The following RBMX2 variants were observed in gnomAD, a reference collection of about 807,000 sequenced individuals.
RBMX2 encodes the protein RNA-binding motif protein, X-linked 2.
For missense variants in RBMX2, 191 were observed against 256.0 expected (o/e 0.75, Z 1.73); for synonymous variants, 77 against 94.3 (o/e 0.82, Z 1.07).
Position 130,402,005 on chromosome X carries a change from C to A in RBMX2, c.-28C>A. 2 of 1,190,820 alleles carry A rather than the reference C, an allele frequency of 1.7e-6. No homozygotes were observed. The highest frequency in any genetic ancestry group is 3.5e-5 in the African/African-American group (2 of 57,773). On this transcript the variant is annotated 5_prime_UTR_variant, in exon 1 of 6. Coordinates refer to ENST00000305536, the MANE Select transcript of RBMX2 (RefSeq NM_016024.4). ...GCGCTGCCTTTCCCGGGCGCTGATT[C>A]CTGAGTGCTGAGCGCGAACCCGAGG...
chrX:130,402,227 C>CCAACCCA, intron 1 of RBMX2, 28 bp from the exon 2 acceptor site: 1 of 1,023,971 alleles, frequency 9.8e-7, no homozygotes, highest in Non-Finnish European at 1.4e-6. Context: ...TTCTGCCTAC[C>CCAACCCA]CTCCCCACCC....
rs1448746181 is a variant in RBMX2, at chrX:130,406,003, C to T, written c.173+2150C>T. Among the ~76,000 whole-genome samples the T allele has an allele frequency of 4.2e-4, 33 of 79,409 alleles. 2 individuals carry two copies. The highest frequency in any genetic ancestry group is 3.9e-3 in the Admixed American group (31 of 7,933). 69.0% of individuals were successfully genotyped at this position (79,409 alleles called of 115,157 possible). ...CCAAGTAGCTGGGACTACAGGCGCC[C>T]GCCACTACGCCCGGCTAATTTTTTT... On this transcript the variant is annotated intron_variant, in intron 3 of 5. Transcript: ENST00000305536.
intron 3 of RBMX2, among the ~76,000 whole-genome samples, chrX:130,406,617 G>GAGCT (rs1169476527): frequency 2.9e-5 from 3 of 104,993 alleles, no homozygotes; most frequent in Non-Finnish European, 5.8e-5. Flanking sequence ...AGGTTGCAGT[G>GAGCT]AGCTGAGATA....
In RBMX2 at chrX:130,403,719, C is replaced by T. The variant is rs1446622186; in HGVS notation, c.122-83C>T. 7.8e-6 allele frequency: 7 copies of T among 900,587 alleles called. No individual in the cohort carries two copies. The African/African-American group carries it at 7.8e-5, about 10-fold the overall frequency. 74.2% of individuals were successfully genotyped at this position (900,587 alleles called of 1,213,427 possible). A position where few individuals can be genotyped will look rare whatever the true frequency, so the allele number is the denominator to read the frequency against. ...CAGGGCCTGTTGCTTACTGTTTCCA[C>T]CCCTAGTGCCTGGCCTAGTGCGTGG... On this transcript the variant is annotated intron_variant, in intron 2 of 5. Coordinates refer to ENST00000305536, the MANE Select transcript of RBMX2 (RefSeq NM_016024.4).
intron 1 of RBMX2, 27 bp from the exon 2 acceptor site, chrX:130,402,228 C>CCCA: frequency 1.9e-6 from 2 of 1,029,129 alleles, no homozygotes; most frequent in Non-Finnish European, 2.7e-6. Context: ...TCTGCCTACC[C>CCCA]TCCCCACCCC....
chrX:130,402,847 C>A (rs1032996892), intron 2 of RBMX2, among the ~76,000 whole-genome samples: 1 of 112,049 alleles, frequency 8.9e-6, no homozygotes, highest in Non-Finnish European at 1.9e-5. Context: ...AGTCCATGGC[C>A]ACGTTACCAT....
rs2034526254 is a variant in RBMX2, at chrX:130,413,589, A to AGGTTT, written c.*741_*742insGGTTT. On this transcript the variant is annotated 3_prime_UTR_variant, in exon 6 of 6. Transcript: ENST00000305536. ...TCCTCCCTCCTCCCTGTCCCTAGCA[A>AGGTTT]CCACCAGTGGACTTCCTGTTTATGG... Among the ~76,000 whole-genome samples the AGGTTT allele has an allele frequency of 9.1e-6, 1 of 109,534 alleles. No homozygotes were observed. Among genetic ancestry groups the AGGTTT allele is most frequent in the Non-Finnish European group, 1.9e-5 (1 of 52,707 alleles).
intron 3 of RBMX2, among the ~76,000 whole-genome samples, chrX:130,406,871 A>G (rs1288714548): frequency 4.5e-5 from 5 of 110,879 alleles, no homozygotes; most frequent in African/African-American, 1.6e-4. Context: ...TGTGTGTGAA[A>G]CAAAGTTTGT....
chrX:130,409,899 A>G (rs1274965201), intron 4 of RBMX2, among the ~76,000 whole-genome samples: 1 of 111,348 alleles, frequency 9.0e-6, no homozygotes, highest in African/African-American at 3.3e-5. Flanking sequence ...TCATCCTGAA[A>G]TTTTCTCCCC....
rs369250459 is a variant in RBMX2, at chrX:130,403,740, C to T, written c.122-62C>T. 26 of 1,044,616 alleles carry T rather than the reference C, an allele frequency of 2.5e-5. No individual in the cohort carries two copies. In the South Asian group the frequency reaches 3.0e-4, roughly 12 times the overall value. 86.1% of individuals were successfully genotyped at this position (1,044,616 alleles called of 1,213,427 possible). A position where few individuals can be genotyped will look rare whatever the true frequency, so the allele number is the denominator to read the frequency against. On this transcript the variant is annotated intron_variant, in intron 2 of 5. Coordinates refer to ENST00000305536, the MANE Select transcript of RBMX2 (RefSeq NM_016024.4). ...TCCACCCCTAGTGCCTGGCCTAGTG[C>T]GTGGTATGTAGTAAACACTTGGTAA...
At chrX:130,406,730 A>G (rs765616861) in intron 3 of RBMX2, among the ~76,000 whole-genome samples, 2 of 110,553 alleles carry the variant, frequency 1.8e-5, no homozygotes, top group African/African-American at 3.3e-5. Flanking sequence ...AGTGTTTCCA[A>G]TTTGTATAAA....
At position 130,412,709 on chromosome X, in the gene RBMX2, C is replaced by G; in HGVS notation, c.830C>G (p.Ser277Cys). 8.3e-7 allele frequency: 1 copy of G among 1,210,778 alleles called. No homozygotes were observed. Among genetic ancestry groups the G allele is most frequent in the Non-Finnish European group, 1.1e-6 (1 of 895,272 alleles). The change falls in exon 6 of 6, where the codon TCT (serine) becomes TGT (cysteine). Residue 277 changes from serine to cysteine, a missense_variant. Transcript: ENST00000305536. ...AGAGGGCGGAGCTCAGATGCACATT[C>G]TAGCTGGTATAATGGGCGTTCTGAA... ...RDRGRSSDAH[S>C]SWYNGRSEGR...
chrX:130,402,094 C>T (rs112718120), intron 1 of RBMX2, 57 bp downstream of exon 1: 2 of 1,183,082 alleles, frequency 1.7e-6, no homozygotes, highest in Non-Finnish European at 2.3e-6. Flanking sequence ...GGTGGTCCAC[C>T]GGGACTGGTG....
chrX:130,402,234 A>ACCCCCC (rs368717541), intron 1 of RBMX2, 21 bp from the exon 2 acceptor site: 243 of 589,140 alleles, frequency 4.1e-4, no homozygotes, highest in African/African-American at 5.1e-4. Context: ...TACCCTCCCC[A>ACCCCCC]CCCCCCCCGC....
chrX:130,412,850 G>C lies in RBMX2; in HGVS notation c.*2G>C. On this transcript the variant is annotated 3_prime_UTR_variant, in exon 6 of 6. Coordinates refer to ENST00000305536, the MANE Select transcript of RBMX2 (RefSeq NM_016024.4). ...CCCAGTGACCGTTGGCGTCACTGAAGACTTCAGCTGCACAGTAGATTTGGA... is the reference window on the plus strand; with the variant it reads ...CCCAGTGACCGTTGGCGTCACTGAACACTTCAGCTGCACAGTAGATTTGGA... 1 of 1,200,782 alleles carries C rather than the reference G, an allele frequency of 8.3e-7. No individual in the cohort carries two copies. Among genetic ancestry groups the C allele is most frequent in the Non-Finnish European group, 1.1e-6 (1 of 890,668 alleles).
intron 4 of RBMX2, among the ~76,000 whole-genome samples, chrX:130,409,911 C>G (rs755173393): frequency 1.8e-5 from 2 of 112,593 alleles, no homozygotes; most frequent in African/African-American, 6.4e-5. Context: ...TTTCTCCCCC[C>G]AGTTCCCTCT....
In RBMX2 at chrX:130,402,270, G is replaced by A. The variant is rs766539243; in HGVS notation, c.21G>A (p.Val7=). Residue 7 remains valine, a synonymous_variant, in exon 2 of 6, where the codon GTG becomes GTA. Transcript: ENST00000305536. ...CACCGTGAAGCCCTTTAACTAAGGT[G>A]AAGCTGATCAACGAGCTGAATGAAC... is the stretch of plus-strand genomic sequence containing the variant. MNPLTK[V]KLINELNERE... 2 of 1,196,180 alleles carry A rather than the reference G, an allele frequency of 1.7e-6. No homozygotes were observed. The highest frequency in any genetic ancestry group is 1.8e-5 in the South Asian group (1 of 56,073).
intron 2 of RBMX2, among the ~76,000 whole-genome samples, chrX:130,403,020 G>A (rs1182880041): frequency 8.9e-6 from 1 of 112,678 alleles, no homozygotes; most frequent in Non-Finnish European, 1.9e-5. Context: ...TACAAATGAG[G>A]AAATAAATAT....
chrX:130,402,245 C>T lies in RBMX2; in HGVS notation c.6-10C>T, dbSNP rs769103169. On this transcript the variant is annotated splice_polypyrimidine_tract_variant and intron_variant, in intron 1 of 5. Coordinates refer to ENST00000305536, the MANE Select transcript of RBMX2 (RefSeq NM_016024.4). ...TGCCTACCCTCCCCACCCCCCCCGC[C>T]ACCGTGAAGCCCTTTAACTAAGGTG... 6.7e-6 allele frequency: 8 copies of T among 1,193,790 alleles called. No homozygotes were observed. In the South Asian group the frequency reaches 1.1e-4, roughly 16 times the overall value.
Sources: allele counts gnomAD v4.1 joint callset (sites outside exome capture counted in the v4.1 genomes callset), GRCh38; gene constraint gnomAD v4.1.1; transcripts MANE v1.5; gene names NCBI Gene and HGNC (gene_info 2026-07-23, HGNC 2026-07-21).